Variants in CAMK2B observed in about 807,000 individuals in gnomAD.
CAMK2B encodes the protein calcium/calmodulin-dependent protein kinase type II subunit beta.
In CAMK2B, 27 loss-of-function variants were observed where a neutral mutation model predicts 93.7. The ratio of observed to expected loss-of-function variants is 0.29; its 90% confidence interval spans 0.21 to 0.40. CAMK2B has a LOEUF of 0.40. Among genes scored for constraint, CAMK2B ranks in the 10% least tolerant of loss-of-function variants. CAMK2B has a pLI of 1.00. For synonymous variants in CAMK2B, 374 were observed against 358.8 expected (o/e 1.04, Z -0.48); for missense variants, 568 against 895.8 (o/e 0.63, Z 4.67).
At chr7:44,253,909 T>C (rs550404608) in intron 5 of CAMK2B, among the ~76,000 whole-genome samples, 1 of 147,500 alleles carries the variant, frequency 6.8e-6, no homozygotes, top group East Asian at 1.9e-4. Flanking sequence ...CAGTTTTTTT[T>C]TTTTTTTTTT....
chr7:44,221,061 C>T, intron 20 of CAMK2B, 160 bp from the exon 21 acceptor site: 1 of 601,978 alleles, frequency 1.7e-6, no homozygotes, highest in Non-Finnish European at 3.0e-6. Flanking sequence ...CCCCCTGCAT[C>T]ACCAGTGGCT....
chr7:44,263,028 C>G lies in CAMK2B; in HGVS notation c.197G>C (p.Arg66Pro), dbSNP rs745930853. The G allele has an allele frequency of 6.2e-7, 1 of 1,613,382 alleles. No homozygotes were observed. Among genetic ancestry groups the G allele is most frequent in the Non-Finnish European group, 8.5e-7 (1 of 1,179,650 alleles). ...QKLEREARIC[R>P]LLKHSNIVRL... ...ACCGATGTTGGAATGCTTCAGAAGG[C>G]GGCAGATCCGAGCCTCTCTCTCCAG... Residue 66 changes from arginine (R) to proline (P), a missense_variant, in exon 3 of 24, where the codon CGC becomes CCC. Transcript: ENST00000395749.
chr7:44,313,955 GC>G lies in CAMK2B; in HGVS notation c.65+11401del. Among the ~76,000 whole-genome samples the G allele has an allele frequency of 2.0e-5, 3 of 152,054 alleles. No homozygotes were observed. The East Asian group carries it at 5.8e-4, about 30-fold the overall frequency. On this transcript the variant is annotated intron_variant, in intron 1 of 23. Transcript: ENST00000395749. ...GTTCAAAGAAGGTGGCCTGGCCAAA[GC>G]CGCATTTCTGCTGGGGTCCTGAAGA...
At chr7:44,293,118 C>A (rs1044102199) in intron 1 of CAMK2B, among the ~76,000 whole-genome samples, 10 of 152,302 alleles carry the variant, frequency 6.6e-5, no homozygotes, top group African/African-American at 2.4e-4. Flanking sequence ...CCAGGGGCAG[C>A]GCCCTTCCCA....
intron 2 of CAMK2B, among the ~76,000 whole-genome samples, chr7:44,275,941 A>T (rs548641852): frequency 6.6e-6 from 1 of 151,932 alleles, no homozygotes; most frequent in East Asian, 1.9e-4. Flanking sequence ...GATTCCCCCA[A>T]TTCCTGGCCA....
chr7:44,314,190 C>T (rs1320428514), intron 1 of CAMK2B, among the ~76,000 whole-genome samples: 1 of 152,164 alleles, frequency 6.6e-6, no homozygotes, highest in Non-Finnish European at 1.5e-5. Context: ...TATATCTCAA[C>T]AAATATATTG....
intron 1 of CAMK2B, among the ~76,000 whole-genome samples, chr7:44,308,242 G>A (rs562400886): frequency 1.1e-4 from 16 of 152,342 alleles, no homozygotes; most frequent in East Asian, 7.7e-4. Context: ...GCTAATTGCC[G>A]GAGCTGCCAT....
In CAMK2B at chr7:44,310,290, G is replaced by C. The variant is rs578065227; in HGVS notation, c.65+15067C>G. Among the ~76,000 whole-genome samples the C allele has an allele frequency of 3.3e-5, 5 of 152,354 alleles. No individual in the cohort carries two copies. The East Asian group carries it at 9.6e-4, about 29-fold the overall frequency. ...GACTGTGGGTCACCTGCATGTGGGA[G>C]AGATGAGCTTTGGGGCAAGTCTCAG... On this transcript the variant is annotated intron_variant, in intron 1 of 23. Coordinates refer to ENST00000395749, the MANE Select transcript of CAMK2B (RefSeq NM_001220.5).
intron 2 of CAMK2B, among the ~76,000 whole-genome samples, chr7:44,280,314 C>T (rs1584541112): frequency 6.6e-6 from 1 of 152,192 alleles, no homozygotes; most frequent in Non-Finnish European, 1.5e-5. Flanking sequence ...AGGGAAGGCC[C>T]CACGGGTCTC....
At chr7:44,317,864 C>T (rs1299944554) in intron 1 of CAMK2B, among the ~76,000 whole-genome samples, 1 of 152,116 alleles carries the variant, frequency 6.6e-6, no homozygotes, top group Non-Finnish European at 1.5e-5. Flanking sequence ...GGAGTGTGGG[C>T]TTAGGCGAGT....
At position 44,248,244 on chromosome 7, in the gene CAMK2B, A is replaced by G. The variant is rs2128990656; in HGVS notation, c.342-1052T>C. 6.6e-6 allele frequency among the ~76,000 whole-genome samples: 1 copy of G among 152,210 alleles called. No individual in the cohort carries two copies. The highest frequency in any genetic ancestry group is 1.9e-4 in the East Asian group (1 of 5,164). On this transcript the variant is annotated intron_variant, in intron 5 of 23. Coordinates refer to ENST00000395749, the MANE Select transcript of CAMK2B (RefSeq NM_001220.5). The surrounding 1 kb of genome is among the most constrained non-coding windows in gnomAD (Gnocchi z 4.1). ...CAGGGAGGGCTGTTGGCAGAAGTCCAGGGCCCTTCCAGGCCATGACTGGCT... is the reference window on the plus strand; with the variant it reads ...CAGGGAGGGCTGTTGGCAGAAGTCCGGGGCCCTTCCAGGCCATGACTGGCT...
Position 44,269,283 on chromosome 7 carries a change from C to T in CAMK2B, c.161-6219G>A, listed in dbSNP as rs371856649. On this transcript the variant is annotated intron_variant, in intron 2 of 23. Coordinates refer to ENST00000395749, the MANE Select transcript of CAMK2B (RefSeq NM_001220.5). ...GCGCACTTGTGCATGGCTCCGGGGA[C>T]CCCTCGTGTCCCAAGTGGACAGCAC... is the stretch of plus-strand genomic sequence containing the variant. 1.3e-4 allele frequency among the ~76,000 whole-genome samples: 20 copies of T among 152,334 alleles called. No individual in the cohort carries two copies. The East Asian group carries it at 2.9e-3, about 22-fold the overall frequency.
chr7:44,233,299 G>C (rs2128929705), intron 15 of CAMK2B, among the ~76,000 whole-genome samples: 1 of 152,236 alleles, frequency 6.6e-6, no homozygotes, highest in South Asian at 2.1e-4. Flanking sequence ...GGGATGGACA[G>C]GGTCCGAGAT....
intron 1 of CAMK2B, among the ~76,000 whole-genome samples, chr7:44,321,943 G>A (rs1563130260): frequency 2.0e-5 from 3 of 152,222 alleles, no homozygotes; most frequent in African/African-American, 7.2e-5. Context: ...TGCAAAGACA[G>A]AAGACTCGAG....
rs191434231 is a variant in CAMK2B at position 44,292,025 on chromosome 7, G to A, written c.66-7800C>T. 1.4e-3 allele frequency among the ~76,000 whole-genome samples: 213 copies of A among 152,268 alleles called. 1 individual carries two copies. Among genetic ancestry groups the A allele is most frequent in the African/African-American group, 4.9e-3 (203 of 41,538 alleles). ...TGAAACAAAGTACCACCAACCAAGC[G>A]GTTTAAACAACAGATATTTATTTTC... is the stretch of plus-strand genomic sequence containing the variant. On this transcript the variant is annotated intron_variant, in intron 1 of 23. Coordinates refer to ENST00000395749, the MANE Select transcript of CAMK2B (RefSeq NM_001220.5).
In CAMK2B at chr7:44,286,988, G is replaced by A. The variant is rs1269014742; in HGVS notation, c.66-2763C>T. ...TGCAGGGACCAGGGGTGCAGGGCCC[G>A]GGGGTGAAGAAGGCCCTGCTCTTGG... On this transcript the variant is annotated intron_variant, in intron 1 of 23. Coordinates refer to ENST00000395749, the MANE Select transcript of CAMK2B (RefSeq NM_001220.5). The surrounding 1 kb of genome is among the most constrained non-coding windows in gnomAD (Gnocchi z 4.0). Among the ~76,000 whole-genome samples, 4 of 152,132 alleles carry A rather than the reference G, an allele frequency of 2.6e-5. No homozygotes were observed. The highest frequency in any genetic ancestry group is 2.1e-4 in the South Asian group (1 of 4,824).
intron 12 of CAMK2B, among the ~76,000 whole-genome samples, chr7:44,240,013 G>T (rs555461118): frequency 1.3e-5 from 2 of 152,142 alleles, no homozygotes; most frequent in Non-Finnish European, 2.9e-5. Flanking sequence ...ACAGGATGGC[G>T]GGTGGGGGGC....
intron 5 of CAMK2B, among the ~76,000 whole-genome samples, chr7:44,251,145 C>T (rs1333624396): frequency 3.3e-5 from 5 of 152,052 alleles, no homozygotes; most frequent in Admixed American, 2.0e-4. Flanking sequence ...CTGTGTGGTT[C>T]GGAAAGCACC....
intron 1 of CAMK2B, among the ~76,000 whole-genome samples, chr7:44,308,686 C>A (rs573408848): frequency 3.3e-5 from 5 of 152,304 alleles, no homozygotes; most frequent in Admixed American, 3.3e-4. Context: ...GTGCGGGCCC[C>A]CCATATCCCA....
Sources: allele counts gnomAD v4.1 joint callset (sites outside exome capture counted in the v4.1 genomes callset), GRCh38; gene constraint gnomAD v4.1.1; non-coding constraint Gnocchi (gnomAD v3.1); transcripts MANE v1.5; gene names NCBI Gene and HGNC (gene_info 2026-07-23, HGNC 2026-07-21).